The following FOXP2 variants were observed in gnomAD, a reference collection of about 807,000 sequenced individuals.
FOXP2 encodes forkhead box P2, also known as forkhead box protein P2.
In FOXP2, 12 loss-of-function variants were observed where a neutral mutation model predicts 115.8. The observed-to-expected ratio is 0.10, with a 90% confidence interval of 0.07 to 0.17. FOXP2 has a LOEUF of 0.17. FOXP2 is among the 10% of genes least tolerant of loss of function. FOXP2 has a pLI of 1.00. For missense variants in FOXP2, 629 were observed against 843.5 expected (o/e 0.75, Z 3.15); for synonymous variants, 328 against 297.7 (o/e 1.10, Z -1.05).
At chr7:114,216,613 A>G (rs1230186232) in intron 1 of FOXP2, among the ~76,000 whole-genome samples, 2 of 152,160 alleles carry the variant, frequency 1.3e-5, no homozygotes, top group African/African-American at 4.8e-5. Flanking sequence ...TTTATAGGTG[A>G]TATTATTTTA....
At chr7:114,192,165 G>T (rs1162154989) in intron 1 of FOXP2, among the ~76,000 whole-genome samples, 1 of 152,070 alleles carries the variant, frequency 6.6e-6, no homozygotes, top group East Asian at 1.9e-4. Context: ...TTTTGTATTT[G>T]TAGTAGAGAC....
At chr7:114,448,661 A>G (rs935258791) in intron 2 of FOXP2, among the ~76,000 whole-genome samples, 21 of 152,092 alleles carry the variant, frequency 1.4e-4, no homozygotes, top group African/African-American at 4.6e-4. Context: ...CACTTTCTAG[A>G]TAAGAAATGG....
intron 2 of FOXP2, among the ~76,000 whole-genome samples, chr7:114,298,608 A>C (rs1796801455): frequency 6.6e-6 from 1 of 152,176 alleles, no homozygotes; most frequent in Non-Finnish European, 1.5e-5. Context: ...TGGTGCTCAG[A>C]AAAGTTAAAT....
chr7:114,425,975 A>G (rs2129204807), intron 1 of FOXP2, among the ~76,000 whole-genome samples: 1 of 151,838 alleles, frequency 6.6e-6, no homozygotes, highest in Non-Finnish European at 1.5e-5. Flanking sequence ...ACTATTTATC[A>G]TTGGTTGGTA....
chr7:114,261,184 C>A (rs1016242393), intron 1 of FOXP2, among the ~76,000 whole-genome samples: 2 of 152,092 alleles, frequency 1.3e-5, no homozygotes, highest in African/African-American at 4.8e-5. Flanking sequence ...TCTTTGAGCT[C>A]ATCAAATGAA....
At chr7:114,462,259 G>T (rs1411078750) in intron 2 of FOXP2, among the ~76,000 whole-genome samples, 2 of 96,120 alleles carry the variant, frequency 2.1e-5, no homozygotes, top group Non-Finnish European at 3.7e-5. Context: ...CCAGCCTGGC[G>T]ACAGAACGAG....
intron 2 of FOXP2, among the ~76,000 whole-genome samples, chr7:114,438,832 T>C (rs1039300937): frequency 3.3e-5 from 5 of 152,246 alleles, no homozygotes; most frequent in Non-Finnish European, 7.4e-5. Context: ...ATATAATACT[T>C]AACCTCAAAC....
At chr7:114,212,054 A>C (rs2129161895) in intron 1 of FOXP2, among the ~76,000 whole-genome samples, 1 of 150,926 alleles carries the variant, frequency 6.6e-6, no homozygotes, top group Admixed American at 6.6e-5. Flanking sequence ...GGGCGACTGG[A>C]GCGAAACTCA....
chr7:114,559,025 AG>A (rs1314948526), intron 3 of FOXP2, among the ~76,000 whole-genome samples: 1 of 148,284 alleles, frequency 6.7e-6, no homozygotes, highest in Non-Finnish European at 1.5e-5. Flanking sequence ...TAAGAAATCC[AG>A]CTACCTATTT....
At chr7:114,356,170 G>A (rs1791613030) in intron 2 of FOXP2, among the ~76,000 whole-genome samples, 1 of 152,096 alleles carries the variant, frequency 6.6e-6, no homozygotes, top group Admixed American at 6.6e-5. Context: ...AAATAAATAA[G>A]TTGGTAAGTA....
At chr7:114,268,642 A>G (rs1453405374) in intron 1 of FOXP2, among the ~76,000 whole-genome samples, 2 of 151,884 alleles carry the variant, frequency 1.3e-5, no homozygotes, top group Non-Finnish European at 2.9e-5. Flanking sequence ...TTGTTTCTTT[A>G]GCGTGTTCTG....
intron 3 of FOXP2, among the ~76,000 whole-genome samples, chr7:114,609,027 C>T (rs1028802320): frequency 1.3e-5 from 2 of 151,750 alleles, no homozygotes; most frequent in South Asian, 2.1e-4. Flanking sequence ...GACGAAACCC[C>T]GTCTCTACTA....
chr7:114,595,834 C>G (rs1008778090), intron 3 of FOXP2, among the ~76,000 whole-genome samples: 3 of 151,884 alleles, frequency 2.0e-5, no homozygotes, highest in Admixed American at 1.3e-4. Context: ...ATATCCAGTT[C>G]AGGGTGAGGA....
intron 1 of FOXP2, among the ~76,000 whole-genome samples, chr7:114,194,631 C>CT (rs938594009): frequency 3.9e-5 from 6 of 152,164 alleles, no homozygotes; most frequent in East Asian, 1.9e-4. Flanking sequence ...GTTTTCTCCT[C>CT]TTTTTTTCTT....
intron 3 of FOXP2, among the ~76,000 whole-genome samples, chr7:114,564,578 T>TA (rs765695910): frequency 9.2e-5 from 14 of 152,194 alleles, no homozygotes; most frequent in Admixed American, 9.2e-4. Flanking sequence ...TCACAGTTGA[T>TA]AAAAAATATC....
chr7:114,390,650 G>T (rs887075574), intron 2 of FOXP2, among the ~76,000 whole-genome samples: 1 of 151,928 alleles, frequency 6.6e-6, no homozygotes, highest in Non-Finnish European at 1.5e-5. Context: ...ACCTCCCTGG[G>T]CTCAGGTAAC....
At chr7:114,422,697 A>G (rs1027589321) in intron 1 of FOXP2, among the ~76,000 whole-genome samples, 2 of 151,688 alleles carry the variant, frequency 1.3e-5, no homozygotes, top group Non-Finnish European at 3.0e-5. Flanking sequence ...TGGCTGAGAT[A>G]ACACAATTAA....
chr7:114,487,474 G>A (rs1796848123), intron 2 of FOXP2, among the ~76,000 whole-genome samples: 1 of 152,096 alleles, frequency 6.6e-6, no homozygotes, highest in African/African-American at 2.4e-5. Context: ...CCATTGTCTT[G>A]GTGATTAACA....
chr7:114,342,682 G>A (rs933894189), intron 2 of FOXP2, among the ~76,000 whole-genome samples: 1 of 151,314 alleles, frequency 6.6e-6, no homozygotes, highest in Non-Finnish European at 1.5e-5. Flanking sequence ...GTCCACTGTG[G>A]TTATTCCTGT....
Sources: allele counts gnomAD v4.1 joint callset (sites outside exome capture counted in the v4.1 genomes callset), GRCh38; gene constraint gnomAD v4.1.1; transcripts MANE v1.5; gene names NCBI Gene and HGNC (gene_info 2026-07-23, HGNC 2026-07-21).